Variants in DMD observed in about 807,000 individuals in gnomAD.
The protein encoded by DMD is mutant dystrophin.
DMD carries 63 observed loss-of-function variants against 330.1 expected under a neutral mutation model. That is an observed-to-expected ratio of 0.19 (90% CI 0.16 to 0.24). The LOEUF is 0.24. Ranked by LOEUF, DMD falls within the 10% of genes least tolerant of loss-of-function variation. The probability of loss-of-function intolerance (pLI) is 1.00; values close to 1 mark genes in which losing one functional copy is unlikely to be tolerated. For missense variants in DMD, 3,344 were observed against 2,684.1 expected, an observed-to-expected ratio of 1.25 and a Z score of -5.43; for synonymous variants, 1,223 against 959.8, an observed-to-expected ratio of 1.27 and a Z score of -5.07.
chrX:31,356,285 C>G (rs1195894525), intron 60 of DMD, among the ~76,000 whole-genome samples: 2 of 111,472 alleles, frequency 1.8e-5, no homozygotes, highest in Non-Finnish European at 3.8e-5. Context: ...GTTCCTGCAT[C>G]ACAGCTTTTT....
chrX:32,582,172 C>T (rs146141145), intron 13 of DMD, among the ~76,000 whole-genome samples: 297 of 110,757 alleles, frequency 2.7e-3, no homozygotes, highest in African/African-American at 9.3e-3. Flanking sequence ...TACAATATGT[C>T]AGGGAAAATT....
intron 61 of DMD, among the ~76,000 whole-genome samples, chrX:31,344,037 C>G (rs866075681): frequency 1.1e-4 from 9 of 83,226 alleles, no homozygotes; most frequent in Admixed American, 4.3e-4. Context: ...GATTGGAGTG[C>G]GGGGGGGGGT....
intron 57 of DMD, among the ~76,000 whole-genome samples, chrX:31,479,899 A>G (rs1426264939): frequency 8.9e-6 from 1 of 111,995 alleles, no homozygotes; most frequent in Non-Finnish European, 1.9e-5. Context: ...TTCACACATA[A>G]TCGAGTGCTA....
At chrX:31,657,870 T>C (rs965990899) in intron 54 of DMD, 120 bp downstream of exon 54, 2 of 752,974 alleles carry the variant, frequency 2.7e-6, no homozygotes, top group African/African-American at 4.1e-5. Context: ...GTATTTATCG[T>C]CTTGAACCCT....
chrX:31,933,762 T>C (rs751721252), intron 45 of DMD, among the ~76,000 whole-genome samples: 1 of 112,017 alleles, frequency 8.9e-6, no homozygotes, highest in Non-Finnish European at 1.9e-5. Flanking sequence ...TTGCCGGTAC[T>C]GAATATTATG....
intron 41 of DMD, among the ~76,000 whole-genome samples, chrX:32,340,881 G>A (rs982352297): frequency 1.8e-5 from 2 of 111,416 alleles, no homozygotes; most frequent in South Asian, 3.8e-4. Flanking sequence ...ATACAGTTTC[G>A]CTATTTCTCG....
At chrX:32,634,959 A>G (rs1331232631) in intron 11 of DMD, among the ~76,000 whole-genome samples, 1 of 111,784 alleles carries the variant, frequency 8.9e-6, no homozygotes, top group Non-Finnish European at 1.9e-5. Context: ...TTTGAAGTTT[A>G]TTTAGAACCA....
intron 1 of DMD, among the ~76,000 whole-genome samples, chrX:33,235,919 T>TTA (rs1569559004): frequency 2.0e-4 from 20 of 98,838 alleles, no homozygotes; most frequent in East Asian, 6.8e-4. Context: ...TATTATTATT[T>TTA]TTTTTTTTTT....
chrX:32,701,721 G>A (rs189136027), intron 7 of DMD, among the ~76,000 whole-genome samples: 4 of 111,369 alleles, frequency 3.6e-5, no homozygotes, highest in Admixed American at 9.6e-5. Context: ...TCACTGCTGT[G>A]TTATACATAG....
upstream of DMD, chrX:33,211,644 T>C (rs2051923211): frequency 3.8e-6 from 3 of 794,502 alleles, no homozygotes; most frequent in Non-Finnish European, 4.8e-6. Flanking sequence ...TTTCCCATAA[T>C]AGGACTGTCC....
intron 13 of DMD, among the ~76,000 whole-genome samples, chrX:32,580,377 A>G (rs2053531673): frequency 8.9e-6 from 1 of 112,156 alleles, no homozygotes; most frequent in Non-Finnish European, 1.9e-5. Context: ...TAATCATTAC[A>G]TAAAGTATAA....
intron 1 of DMD, among the ~76,000 whole-genome samples, chrX:33,129,263 A>G (rs930393398): frequency 3.0e-5 from 3 of 99,562 alleles, no homozygotes; most frequent in Non-Finnish European, 2.0e-5. Context: ...TTTTCTTTAG[A>G]GTAAGTTGTT....
intron 63 of DMD, among the ~76,000 whole-genome samples, chrX:31,242,700 A>ATG (rs3138883): frequency 0.18 from 16,882 of 94,764 alleles, 1,300 homozygotes; most frequent in African/African-American, 0.25. Flanking sequence ...ACAATAAGAT[A>ATG]TGTGTGTGTG....
At chrX:31,441,571 G>A (rs774282231) in intron 60 of DMD, among the ~76,000 whole-genome samples, 13 of 112,005 alleles carry the variant, frequency 1.2e-4, no homozygotes, top group South Asian at 3.7e-4. Flanking sequence ...TTTTTATCAC[G>A]ATTTAAAGAT....
At chrX:32,299,319 T>A (rs1295103036) in intron 42 of DMD, among the ~76,000 whole-genome samples, 1 of 110,898 alleles carries the variant, frequency 9.0e-6, no homozygotes, top group African/African-American at 3.3e-5. Flanking sequence ...ACATATAGCT[T>A]TTTGGACACT....
At chrX:32,999,840 T>C (rs1335055635) in intron 2 of DMD, among the ~76,000 whole-genome samples, 3 of 112,283 alleles carry the variant, frequency 2.7e-5, no homozygotes, top group Non-Finnish European at 5.6e-5. Flanking sequence ...AAATGTCTTC[T>C]GACCAATTTC....
Position 31,358,493 on chromosome X carries a change from GTAA to G in DMD, c.9085-9862_9085-9860del, listed in dbSNP as rs1348054446. On this transcript the variant is annotated intron_variant, in intron 60 of 78. Coordinates refer to ENST00000357033, the MANE Select transcript of DMD (RefSeq NM_004006.3). ...TCAAGTGAAATCAACACAGTACAGT[GTAA>G]TAAAAATGCATATAGCCCCAGGCTT... is the stretch of plus-strand genomic sequence containing the variant. Among the ~76,000 whole-genome samples the G allele has an allele frequency of 2.7e-5, 3 of 112,062 alleles. No individual in the cohort carries two copies. The East Asian group carries it at 8.5e-4, about 32-fold the overall frequency.
At chrX:32,660,294 G>A (rs930936663) in intron 9 of DMD, among the ~76,000 whole-genome samples, 1 of 110,762 alleles carries the variant, frequency 9.0e-6, no homozygotes, top group African/African-American at 3.3e-5. Flanking sequence ...AATCACTTCT[G>A]ATTTGGTGAA....
intron 55 of DMD, among the ~76,000 whole-genome samples, chrX:31,569,911 G>T (rs758484413): frequency 4.5e-5 from 5 of 110,215 alleles, no homozygotes; most frequent in Non-Finnish European, 9.5e-5. Context: ...AGTTTTCTAA[G>T]TGCCTGACAC....
Sources: gnomAD v4.1 joint callset for allele counts (sites outside exome capture counted in the v4.1 genomes callset) on GRCh38, gnomAD v4.1.1 for gene constraint, MANE v1.5 for transcripts, NCBI Gene and HGNC (gene_info 2026-07-23, HGNC 2026-07-21) for gene names.